The following FAM184A variants were observed in gnomAD, a reference collection of about 807,000 sequenced individuals.
The protein encoded by FAM184A is protein FAM184A.
A neutral mutation model predicts 143.8 loss-of-function variants in FAM184A; 99 were observed. That is an observed-to-expected ratio of 0.69 (90% CI 0.58 to 0.81). The LOEUF is 0.81. Among genes scored for constraint, FAM184A ranks in the 40% least tolerant of loss-of-function variants. The pLI is 0.00. For synonymous variants in FAM184A, 427 were observed against 446.4 expected, an observed-to-expected ratio of 0.96 and a Z score of 0.55; for missense variants, 1,217 against 1,310.5, an observed-to-expected ratio of 0.93 and a Z score of 1.10.
chr6:119,020,956 G>A (rs1221457177), intron 3 of FAM184A, among the ~76,000 whole-genome samples: 6 of 152,166 alleles, frequency 3.9e-5, no homozygotes, highest in Non-Finnish European at 8.8e-5. Context: ...AGGGAAGGTG[G>A]AGAAAAATGA....
At chr6:119,141,402 C>A (rs953829522) in intron 1 of FAM184A, among the ~76,000 whole-genome samples, 2 of 152,200 alleles carry the variant, frequency 1.3e-5, no homozygotes, top group Non-Finnish European at 2.9e-5. Context: ...ACCGGAGGGG[C>A]CTGGATGCAG....
At chr6:119,119,244 C>T (rs1218606301) in intron 1 of FAM184A, among the ~76,000 whole-genome samples, 2 of 152,248 alleles carry the variant, frequency 1.3e-5, no homozygotes, top group Non-Finnish European at 2.9e-5. Flanking sequence ...CCTGCGATCT[C>T]GCCCTGCCTC....
chr6:118,960,257 A>G lies in FAM184A; in HGVS notation c.3342-73T>C, dbSNP rs141964625. ...GCAAAATGAAGGCAAAAGCACATAA[A>G]ACATCAGCATAGATTACCACAACGG... is the stretch of plus-strand genomic sequence containing the variant. On this transcript the variant is annotated intron_variant, in intron 17 of 17. Transcript: ENST00000338891. 3.7e-4 allele frequency: 452 copies of G among 1,228,344 alleles called. 6 individuals carry two copies. The East Asian group carries it at 0.011, about 29-fold the overall frequency. 76.1% of individuals were successfully genotyped at this position (1,228,344 alleles called of 1,614,324 possible). A position where few individuals can be genotyped will look rare whatever the true frequency, so the allele number is the denominator to read the frequency against.
intron 1 of FAM184A, among the ~76,000 whole-genome samples, chr6:119,125,165 G>T (rs757904708): frequency 2.0e-5 from 3 of 152,158 alleles, no homozygotes; most frequent in Non-Finnish European, 4.4e-5. Flanking sequence ...CAGAAAATTT[G>T]TATGTAAGTC....
chr6:119,005,081 A>G (rs563501717), intron 7 of FAM184A, among the ~76,000 whole-genome samples: 1 of 152,330 alleles, frequency 6.6e-6, no homozygotes, highest in Non-Finnish European at 1.5e-5. Flanking sequence ...GACAATGGAA[A>G]AAACACCTCT....
intron 1 of FAM184A, among the ~76,000 whole-genome samples, chr6:119,136,192 G>A (rs1789656648): frequency 6.7e-6 from 1 of 149,564 alleles, no homozygotes; most frequent in Non-Finnish European, 1.5e-5. Flanking sequence ...GCAGGAGAAT[G>A]GCGTGAACCC....
intron 1 of FAM184A, among the ~76,000 whole-genome samples, chr6:119,125,422 G>A (rs1789333699): frequency 6.6e-6 from 1 of 152,002 alleles, no homozygotes; most frequent in Non-Finnish European, 1.5e-5. Context: ...ACTATAGGTC[G>A]GGACTATGCC....
chr6:119,030,598 T>C (rs1217772923), intron 1 of FAM184A, among the ~76,000 whole-genome samples: 1 of 151,968 alleles, frequency 6.6e-6, no homozygotes, highest in Non-Finnish European at 1.5e-5. Flanking sequence ...TCACTGAAAT[T>C]TCAAAAATTG....
chr6:119,134,501 T>C (rs1789610632), intron 1 of FAM184A, among the ~76,000 whole-genome samples: 1 of 151,488 alleles, frequency 6.6e-6, no homozygotes, highest in South Asian at 2.1e-4. Context: ...AAAATAAAAG[T>C]AAATTAGCTG....
chr6:119,140,878 T>C (rs967711509), intron 1 of FAM184A, among the ~76,000 whole-genome samples: 2 of 152,230 alleles, frequency 1.3e-5, no homozygotes, highest in African/African-American at 4.8e-5. Context: ...AACGCTAGAA[T>C]TGATTCACTA....
chr6:119,132,626 A>G (rs1789563833), intron 1 of FAM184A, among the ~76,000 whole-genome samples: 1 of 152,086 alleles, frequency 6.6e-6, no homozygotes, highest in Admixed American at 6.5e-5. Flanking sequence ...CACATTAGCC[A>G]CCCCTTACTC....
rs1417116088 is a variant in FAM184A at position 119,019,965 on chromosome 6, C to A, written c.1332+13G>T. 6.5e-7 allele frequency: 1 copy of A among 1,532,910 alleles called. No individual in the cohort carries two copies. Among genetic ancestry groups the A allele is most frequent in the Non-Finnish European group, 8.7e-7 (1 of 1,144,912 alleles). 95.0% of individuals were successfully genotyped at this position (1,532,910 alleles called of 1,614,324 possible). On this transcript the variant is annotated intron_variant, in intron 4 of 17. Coordinates refer to ENST00000338891, the MANE Select transcript of FAM184A (RefSeq NM_024581.6). Reference sequence around the variant, plus strand: ...ACTCTTTCGGGGGGAATGGAGTGTCCATTACTTTTTACCTTCTCCAGTTCT... The same window carrying A: ...ACTCTTTCGGGGGGAATGGAGTGTCAATTACTTTTTACCTTCTCCAGTTCT...
chr6:119,132,911 T>C (rs1582643761), intron 1 of FAM184A, among the ~76,000 whole-genome samples: 1 of 152,212 alleles, frequency 6.6e-6, no homozygotes, highest in South Asian at 2.1e-4. Context: ...TGAGGCCCCA[T>C]AATTTTAATC....
At chr6:119,120,043 C>T (rs1789169439) in intron 1 of FAM184A, among the ~76,000 whole-genome samples, 1 of 152,170 alleles carries the variant, frequency 6.6e-6, no homozygotes, top group Non-Finnish European at 1.5e-5. Flanking sequence ...ATTCACTCTT[C>T]TAAAGTATAC....
At chr6:119,025,828 T>C (rs183663602) in intron 1 of FAM184A, among the ~76,000 whole-genome samples, 3 of 152,356 alleles carry the variant, frequency 2.0e-5, no homozygotes, top group East Asian at 3.9e-4. Context: ...TAATGTGATA[T>C]TACTCTGGCT....
At chr6:119,015,700 G>A (rs992111376) in intron 5 of FAM184A, among the ~76,000 whole-genome samples, 2 of 152,250 alleles carry the variant, frequency 1.3e-5, no homozygotes, top group African/African-American at 4.8e-5. Flanking sequence ...CCCAAGGGCT[G>A]AGGAGTGCGA....
At chr6:119,107,484 G>A (rs4946398) in intron 1 of FAM184A, among the ~76,000 whole-genome samples, 95,680 of 151,510 alleles carry the variant, frequency 0.63, 30,856 homozygotes, top group East Asian at 0.96. Flanking sequence ...TCATTCGGCT[G>A]GGCACAGTGG....
intron 6 of FAM184A, among the ~76,000 whole-genome samples, chr6:119,007,105 T>C (rs1784944041): frequency 1.3e-5 from 2 of 152,222 alleles, no homozygotes; most frequent in South Asian, 4.1e-4. Flanking sequence ...TGTGTTTCCA[T>C]ACAAAATTTC....
Position 119,007,480 on chromosome 6 carries a change from G to A in FAM184A, c.1654-872C>T, listed in dbSNP as rs9401114. On this transcript the variant is annotated intron_variant, in intron 6 of 17. Coordinates refer to ENST00000338891, the MANE Select transcript of FAM184A (RefSeq NM_024581.6). ...TGCAGGTATATGCTCTGCAATACTG[G>A]TGGTGGTAGTATTTTATCTTGGTGG... Among the ~76,000 whole-genome samples the A allele has an allele frequency of 3.3e-5, 5 of 152,136 alleles. No homozygotes were observed. In the East Asian group the frequency reaches 9.6e-4, roughly 29 times the overall value.
Sources: allele counts gnomAD v4.1 joint callset (sites outside exome capture counted in the v4.1 genomes callset), GRCh38; gene constraint gnomAD v4.1.1; transcripts MANE v1.5; gene names NCBI Gene and HGNC (gene_info 2026-07-23, HGNC 2026-07-21).